The following LINGO2 variants were observed in gnomAD, a reference collection of about 807,000 sequenced individuals.
LINGO2 encodes leucine rich repeat and Ig domain containing 2.
In LINGO2, 14 loss-of-function variants were observed where a neutral mutation model predicts 30.6. That is an observed-to-expected ratio of 0.46 (90% CI 0.30 to 0.72). LINGO2 has a LOEUF of 0.72. LINGO2 is among the 30% of genes least tolerant of loss of function. The pLI is 0.07. For synonymous variants in LINGO2, 317 were observed against 288.5 expected, an observed-to-expected ratio of 1.10 and a Z score of -1.00; for missense variants, 729 against 751.7, an observed-to-expected ratio of 0.97 and a Z score of 0.35.
the LINGO2 span, among the ~76,000 whole-genome samples, chr9:28,979,631 T>A: frequency 6.6e-6 from 1 of 152,068 alleles, no homozygotes; most frequent in Non-Finnish European, 1.5e-5. Context: ...TACTATACAT[T>A]GTTTATTATA....
chr9:28,549,998 TA>T (rs554474547), intron 1 of LINGO2, among the ~76,000 whole-genome samples: 37 of 151,936 alleles, frequency 2.4e-4, no homozygotes, highest in Admixed American at 6.6e-4. Context: ...TAGAATTATT[TA>T]CTTGAATTGC....
chr9:28,833,433 C>A, the LINGO2 span, among the ~76,000 whole-genome samples: 1 of 152,108 alleles, frequency 6.6e-6, no homozygotes, highest in Non-Finnish European at 1.5e-5. Flanking sequence ...CCATTCAAGG[C>A]TAAGTTGTTA....
chr9:28,560,231 C>T (rs1276999284), intron 1 of LINGO2, among the ~76,000 whole-genome samples: 1 of 152,046 alleles, frequency 6.6e-6, no homozygotes, highest in African/African-American at 2.4e-5. Flanking sequence ...AAGCATTATT[C>T]TGGATGTTTC....
At chr9:28,867,440 T>A in the LINGO2 span, among the ~76,000 whole-genome samples, 3 of 149,944 alleles carry the variant, frequency 2.0e-5, no homozygotes, top group Non-Finnish European at 4.4e-5. Context: ...GTGCTAGCCA[T>A]AGCTGAGCTA....
intron 1 of LINGO2, among the ~76,000 whole-genome samples, chr9:28,665,283 G>A (rs927946242): frequency 6.6e-6 from 1 of 151,756 alleles, no homozygotes; most frequent in African/African-American, 2.4e-5. Flanking sequence ...AAAGATATGG[G>A]TTCCATACCT....
chr9:28,611,197 C>A (rs940604776), intron 1 of LINGO2, among the ~76,000 whole-genome samples: 1 of 151,902 alleles, frequency 6.6e-6, no homozygotes, highest in Non-Finnish European at 1.5e-5. Context: ...ATACTTTTTC[C>A]AGCTTTATTG....
the LINGO2 span, among the ~76,000 whole-genome samples, chr9:28,865,004 G>A: frequency 2.6e-5 from 4 of 152,022 alleles, no homozygotes; most frequent in Admixed American, 2.6e-4. Context: ...TTAATTCAGT[G>A]CTAAGAGCGT....
the LINGO2 span, among the ~76,000 whole-genome samples, chr9:28,867,917 T>C: frequency 1.3e-5 from 2 of 152,156 alleles, no homozygotes; most frequent in Non-Finnish European, 2.9e-5. Context: ...ACATTTGCCC[T>C]ACAATGAAAC....
intron 3 of LINGO2, among the ~76,000 whole-genome samples, chr9:28,361,219 C>A (rs1348577139): frequency 6.6e-6 from 1 of 151,944 alleles, no homozygotes; most frequent in Non-Finnish European, 1.5e-5. Context: ...TAATAAGCGG[C>A]CCCAAAGTGC....
chr9:29,109,483 A>G, the LINGO2 span, among the ~76,000 whole-genome samples: 1 of 152,202 alleles, frequency 6.6e-6, no homozygotes, highest in Non-Finnish European at 1.5e-5. Flanking sequence ...GGGGAAGCAG[A>G]TGAATTACCT....
chr9:28,553,921 T>TA (rs1326095201), intron 1 of LINGO2, among the ~76,000 whole-genome samples: 3 of 151,810 alleles, frequency 2.0e-5, no homozygotes, highest in Admixed American at 2.0e-4. Context: ...GAAGGAGAAA[T>TA]AAAATACTTT....
chr9:29,163,998 G>A, the LINGO2 span, among the ~76,000 whole-genome samples: 1 of 151,722 alleles, frequency 6.6e-6, no homozygotes, highest in East Asian at 1.9e-4. Flanking sequence ...TCCATGTCTA[G>A]GTCACAAAAA....
At chr9:28,142,463 T>C (rs79134670) in intron 4 of LINGO2, among the ~76,000 whole-genome samples, 1,939 of 152,288 alleles carry the variant, frequency 0.013, 31 homozygotes, top group South Asian at 0.045. Flanking sequence ...GGATTTTTTG[T>C]TGTTGTTCAG....
intron 4 of LINGO2, among the ~76,000 whole-genome samples, chr9:28,159,625 C>T (rs986957449): frequency 1.8e-5 from 1 of 57,000 alleles, no homozygotes; most frequent in Admixed American, 2.4e-4. Context: ...GAATTTCATA[C>T]TGAATAGTTA....
intron 3 of LINGO2, among the ~76,000 whole-genome samples, chr9:28,355,363 CTGTGTGTG>C (rs61656726): frequency 0.052 from 5,966 of 115,228 alleles, 179 homozygotes; most frequent in African/African-American, 0.073. Context: ...CTCCCTCCCT[CTGTGTGTG>C]TGTGTGTGTG....
chr9:28,883,051 T>C, the LINGO2 span, among the ~76,000 whole-genome samples: 4 of 152,252 alleles, frequency 2.6e-5, no homozygotes, highest in Middle Eastern at 3.4e-3. Flanking sequence ...CCCAAGTCCT[T>C]AGAATAAAAA....
At chr9:28,185,719 T>G (rs1376501698) in intron 4 of LINGO2, among the ~76,000 whole-genome samples, 1 of 152,148 alleles carries the variant, frequency 6.6e-6, no homozygotes, top group Non-Finnish European at 1.5e-5. Context: ...TCTGAAATTT[T>G]GATGGCTACA....
At chr9:29,005,907 T>C in the LINGO2 span, among the ~76,000 whole-genome samples, 5 of 151,970 alleles carry the variant, frequency 3.3e-5, no homozygotes, top group African/African-American at 1.2e-4. Flanking sequence ...TTTTTCTGAA[T>C]ATTTTTGGTC....
the LINGO2 span, among the ~76,000 whole-genome samples, chr9:28,789,333 T>C: frequency 6.6e-4 from 100 of 152,324 alleles, 1 homozygote; most frequent in African/African-American, 2.3e-3. Flanking sequence ...TAGTATCTTA[T>C]TGTCATGAAC....
Sources: allele counts gnomAD v4.1 joint callset (sites outside exome capture counted in the v4.1 genomes callset), GRCh38; gene constraint gnomAD v4.1.1; transcripts MANE v1.5; gene names NCBI Gene and HGNC (gene_info 2026-07-23, HGNC 2026-07-21).